EPHB1: variants seen among roughly 807,000 people sequenced by gnomAD.
EPHB1 encodes EPH receptor B1.
Under a neutral mutation model 94.4 loss-of-function variants are expected in EPHB1, and 30 were observed. The ratio of observed to expected loss-of-function variants is 0.32; its 90% CI spans 0.24 to 0.43. EPHB1 has a LOEUF of 0.43. Ranked by LOEUF, EPHB1 falls within the 20% of genes least tolerant of loss-of-function variation. EPHB1 has a pLI of 1.00. For synonymous variants in EPHB1, 522 were observed against 489.1 expected, an observed-to-expected ratio of 1.07 and a Z score of -0.89; for missense variants, 1,055 against 1,308.3, an observed-to-expected ratio of 0.81 and a Z score of 2.99.
chr3:135,124,194 G>C (rs780368374), intron 4 of EPHB1, among the ~76,000 whole-genome samples: 1 of 151,686 alleles, frequency 6.6e-6, no homozygotes, highest in Non-Finnish European at 1.5e-5. Context: ...GGTCCTTTGG[G>C]CTGGGGAACA....
rs761764028 is a variant in EPHB1 at position 135,201,584 on chromosome 3, T to C, written c.2241T>C (p.Ala747=). The part of the protein sequence containing the change: ...EMNYVHRDLA[A]RNILVNSNLV... ...ATTATGTGCATCGGGACCTGGCTGC[T>C]AGGAACATTCTGGTCAACAGTAACC... The change falls in exon 12 of 16, where the codon GCT becomes GCC. Residue 747 remains alanine, a synonymous_variant. Transcript: ENST00000398015. The C allele has an allele frequency of 3.1e-6, 5 of 1,613,978 alleles. No individual in the cohort carries two copies. The African/African-American group carries it at 6.7e-5, about 22-fold the overall frequency.
chr3:134,813,373 G>C (rs59937515), intron 1 of EPHB1, among the ~76,000 whole-genome samples: 7,687 of 152,304 alleles, frequency 0.05, 524 homozygotes, highest in African/African-American at 0.16. Context: ...GTACCTCCAT[G>C]GTGGTGGCAG....
intron 3 of EPHB1, among the ~76,000 whole-genome samples, chr3:135,104,038 G>A (rs1002174762): frequency 5.3e-5 from 8 of 152,200 alleles, no homozygotes; most frequent in South Asian, 2.1e-4. Flanking sequence ...GTTCTTGTTG[G>A]ACTGGTACAT....
In EPHB1 at chr3:135,053,023, GTGTGTA is replaced by G. The variant is rs1291899912; in HGVS notation, c.806-53423_806-53418del. ...TGTGTGTGTATATATATGTGTGTGT[GTGTGTA>G]TATATATATATATATATATATATAT... is the stretch of plus-strand genomic sequence containing the variant. On this transcript the variant is annotated intron_variant, in intron 3 of 15. Transcript: ENST00000398015. Among the ~76,000 whole-genome samples the G allele has an allele frequency of 8.5e-4, 58 of 68,548 alleles. 1 individual carries two copies. Among genetic ancestry groups the G allele is most frequent in the East Asian group, 4.1e-3 (3 of 726 alleles). The allele number at this position is 68,548 out of a possible 152,430, so 45.0% of individuals were successfully genotyped here. A position where few individuals can be genotyped will look rare whatever the true frequency, so the allele number is the denominator to read the frequency against.
chr3:135,101,822 CATCTT>C (rs568011235), intron 3 of EPHB1, among the ~76,000 whole-genome samples: 134 of 152,324 alleles, frequency 8.8e-4, no homozygotes, highest in Non-Finnish European at 1.6e-3. Context: ...TTGTGACTCT[CATCTT>C]ATAAGGAGAC....
intron 8 of EPHB1, 108 bp from the exon 9 acceptor site, chr3:135,166,834 G>A: frequency 2.6e-6 from 3 of 1,149,464 alleles, no homozygotes; most frequent in Non-Finnish European, 1.3e-6. Flanking sequence ...CTAATCCTGG[G>A]AGATGCCCCG....
chr3:135,245,826 AAAAG>A (rs1943909366), intron 13 of EPHB1, among the ~76,000 whole-genome samples: 1 of 151,414 alleles, frequency 6.6e-6, no homozygotes, highest in East Asian at 1.9e-4. Flanking sequence ...AAAAAAAAAA[AAAAG>A]CCAATGAGAT....
chr3:135,167,889 T>G (rs927845895), intron 9 of EPHB1, among the ~76,000 whole-genome samples: 2 of 152,212 alleles, frequency 1.3e-5, no homozygotes, highest in African/African-American at 4.8e-5. Flanking sequence ...CTTCCTGTTT[T>G]CTCAGCAATT....
chr3:135,130,456 G>C (rs1197137277), intron 4 of EPHB1, among the ~76,000 whole-genome samples: 1 of 152,232 alleles, frequency 6.6e-6, no homozygotes, highest in Non-Finnish European at 1.5e-5. Flanking sequence ...AGGAAAGACA[G>C]TAAGTGTAGG....
intron 12 of EPHB1, among the ~76,000 whole-genome samples, chr3:135,232,857 C>T (rs1422077543): frequency 6.6e-6 from 1 of 152,092 alleles, no homozygotes; most frequent in Non-Finnish European, 1.5e-5. Context: ...GCAAGAAGTG[C>T]CAAGCAAAAG....
At chr3:135,241,555 C>T (rs1460539924) in intron 13 of EPHB1, among the ~76,000 whole-genome samples, 1 of 152,184 alleles carries the variant, frequency 6.6e-6, no homozygotes, top group Non-Finnish European at 1.5e-5. Context: ...AGACAATGGG[C>T]TGTTTCCAAA....
chr3:134,952,083 T>C (rs780310679), intron 3 of EPHB1, 31 bp downstream of exon 3: 2 of 1,560,746 alleles, frequency 1.3e-6, no homozygotes, highest in South Asian at 1.2e-5. Flanking sequence ...TTCCTGCCCA[T>C]CTATGGCAGG....
rs1011417344 is a variant in EPHB1 at position 135,248,621 on chromosome 3, C to T, written c.2690+112C>T. 7 of 1,059,780 alleles carry T rather than the reference C, an allele frequency of 6.6e-6. No homozygotes were observed. In the African/African-American group the frequency reaches 1.1e-4, roughly 17 times the overall value. 65.6% of individuals were successfully genotyped at this position (1,059,780 alleles called of 1,614,324 possible). ...GAATTTTTTAAAGAGTATCTAGTTG[C>T]AGTGTGGGCCTTATGTTGAGGAGAG... On this transcript the variant is annotated intron_variant, in intron 14 of 15. Coordinates refer to ENST00000398015, the MANE Select transcript of EPHB1 (RefSeq NM_004441.5).
At chr3:134,816,902 T>C (rs939927594) in intron 1 of EPHB1, among the ~76,000 whole-genome samples, 16 of 151,974 alleles carry the variant, frequency 1.1e-4, no homozygotes, top group African/African-American at 3.9e-4. Flanking sequence ...TCACCCTCAG[T>C]GTGAGCAGGT....
chr3:134,905,886 C>T (rs920788730), intron 1 of EPHB1, among the ~76,000 whole-genome samples: 5 of 152,154 alleles, frequency 3.3e-5, no homozygotes, highest in Non-Finnish European at 7.3e-5. Context: ...TTCTGAAGCC[C>T]CCTTTGCCCA....
At chr3:135,188,449 C>G (rs1942386304) in intron 10 of EPHB1, among the ~76,000 whole-genome samples, 1 of 152,100 alleles carries the variant, frequency 6.6e-6, no homozygotes, top group Non-Finnish European at 1.5e-5. Context: ...GAGTCGAGAT[C>G]ACGCCACTGC....
At chr3:135,127,199 G>A (rs182353214) in intron 4 of EPHB1, among the ~76,000 whole-genome samples, 6 of 152,270 alleles carry the variant, frequency 3.9e-5, no homozygotes, top group Non-Finnish European at 8.8e-5. Context: ...GGTTGGTTTC[G>A]GGGGACTAAG....
At chr3:135,255,623 A>C (rs1933347933) in intron 15 of EPHB1, among the ~76,000 whole-genome samples, 1 of 148,960 alleles carries the variant, frequency 6.7e-6, no homozygotes, top group Non-Finnish European at 1.5e-5. Flanking sequence ...TGCTGAGGAG[A>C]GCTTTACTTC....
intron 5 of EPHB1, among the ~76,000 whole-genome samples, chr3:135,153,784 G>A (rs1207803826): frequency 6.6e-6 from 1 of 152,166 alleles, no homozygotes; most frequent in African/African-American, 2.4e-5. Flanking sequence ...CAAGACTGAG[G>A]TTCCTTCAAC....
Sources: gnomAD v4.1 joint callset for allele counts (sites outside exome capture counted in the v4.1 genomes callset) on GRCh38, gnomAD v4.1.1 for gene constraint, MANE v1.5 for transcripts, NCBI Gene and HGNC (gene_info 2026-07-23, HGNC 2026-07-21) for gene names.